The following CELSR2 variants were observed in gnomAD, a reference collection of about 807,000 sequenced individuals.
CELSR2 encodes cadherin EGF LAG seven-pass G-type receptor 2.
CELSR2 carries 81 observed loss-of-function variants against 251.6 expected under a neutral mutation model. The observed-to-expected ratio is 0.32, with a 90% CI of 0.27 to 0.39. CELSR2 has a LOEUF of 0.39. Among genes scored for constraint, CELSR2 ranks in the 10% least tolerant of loss-of-function variants. The pLI is 1.00. For synonymous variants in CELSR2, 1,721 were observed against 1,670.5 expected (o/e 1.03, Z -0.74); for missense variants, 3,365 against 3,947.7 (o/e 0.85, Z 3.96).
At position 109,252,204 on chromosome 1, in the gene CELSR2, C is replaced by A; in HGVS notation, c.2125C>A (p.Arg709Ser). The change falls in exon 1 of 34, where the codon CGT becomes AGT. Residue 709 changes from arginine to serine, a missense_variant. Arg to Ser is a moderately radical substitution (Grantham distance 110, BLOSUM62 -1). This residue lies in a region of CELSR2 where 505 missense variants were observed against 660.0 expected (regional missense o/e 0.77). Coordinates refer to ENST00000271332, the MANE Select transcript of CELSR2 (RefSeq NM_001408.3). The surrounding 1 kb of genome is among the most constrained non-coding windows in gnomAD (Gnocchi z 4.8). Reference protein sequence around the residue: ...VVNVTDANTHRPVFQSSHYTV... With the variant: ...VVNVTDANTHSPVFQSSHYTV... ...GAATGTCACCGACGCCAACACCCAT[C>A]GTCCTGTCTTTCAGAGCTCCCACTA... 1 of 1,613,768 alleles carries A rather than the reference C, an allele frequency of 6.2e-7. No homozygotes were observed. Among genetic ancestry groups the A allele is most frequent in the Non-Finnish European group, 8.5e-7 (1 of 1,180,042 alleles).
chr1:109,270,830 T>C, intron 24 of CELSR2, 97 bp from the exon 25 acceptor site: 1 of 1,014,112 alleles, frequency 9.9e-7, no homozygotes. Flanking sequence ...CCCTTTTCCA[T>C]GCTTCATGCC....
chr1:109,268,573 C>A lies in CELSR2; in HGVS notation c.6319-8C>A, dbSNP rs1366407943. On this transcript the variant is annotated splice_region_variant and splice_polypyrimidine_tract_variant and intron_variant, in intron 17 of 33. Transcript: ENST00000271332. ...TGAGCACACCCACCGTGACCTTGCCCACCCCAGAATCTGCTGCGGGTGGGC... is the reference window on the plus strand; with the variant it reads ...TGAGCACACCCACCGTGACCTTGCCAACCCCAGAATCTGCTGCGGGTGGGC... 6.2e-7 allele frequency: 1 copy of A among 1,600,874 alleles called. No homozygotes were observed.
chr1:109,252,207 CCTGT>C lies in CELSR2; in HGVS notation c.2131_2134del (p.Val711PhefsTer8). The C allele has an allele frequency of 6.2e-7, 1 of 1,613,770 alleles. No homozygotes were observed. The highest frequency in any genetic ancestry group is 8.5e-7 in the Non-Finnish European group (1 of 1,180,050). On this transcript the variant is annotated frameshift_variant, in exon 1 of 34. Transcript: ENST00000271332. LOFTEE classifies it high-confidence loss of function. This position sits in a 1 kb window ranked among gnomAD's most constrained non-coding sequence, Gnocchi z 4.8. ...TGTCACCGACGCCAACACCCATCGT[CCTGT>C]CTTTCAGAGCTCCCACTATACAGTG...
Position 109,265,794 on chromosome 1 carries a change from A to G in CELSR2, c.5787A>G (p.Thr1929=), listed in dbSNP as rs763681513. Residue 1929 remains threonine, a synonymous_variant, in exon 14 of 34, where the codon ACA becomes ACG. Coordinates refer to ENST00000271332, the MANE Select transcript of CELSR2 (RefSeq NM_001408.3). The part of the protein sequence containing the change: ...PTCLLCDCYP[T]GSLSRVCDPE... Reference sequence around the variant, plus strand: ...GCCTCTTGTGTGACTGCTACCCCACAGGCTCCTTGTCCAGAGTCTGTGACC... The same window carrying G: ...GCCTCTTGTGTGACTGCTACCCCACGGGCTCCTTGTCCAGAGTCTGTGACC... 3.2e-5 allele frequency: 52 copies of G among 1,613,930 alleles called. No individual in the cohort carries two copies. The highest frequency in any genetic ancestry group is 1.6e-4 in the South Asian group (15 of 91,090).
At position 109,250,902 on chromosome 1, in the gene CELSR2, C is replaced by G. The variant is rs1265261144; in HGVS notation, c.823C>G (p.Leu275Val). 5 of 1,613,878 alleles carry G rather than the reference C, an allele frequency of 3.1e-6. No individual in the cohort carries two copies. Among genetic ancestry groups the G allele is most frequent in the Non-Finnish European group, 4.2e-6 (5 of 1,180,040 alleles). The change falls in exon 1 of 34, where the codon CTC (leucine) becomes GTC (valine). Residue 275 changes from leucine (L) to valine (V), a missense_variant. Coordinates refer to ENST00000271332, the MANE Select transcript of CELSR2 (RefSeq NM_001408.3). This position sits in a 1 kb window ranked among gnomAD's most constrained non-coding sequence, Gnocchi z 4.4. ...GCCCCGACGAAGTGCCCTGGCTACACTCACCATCTTGGTTACTGACACCAA... is the reference window on the plus strand; with the variant it reads ...GCCCCGACGAAGTGCCCTGGCTACAGTCACCATCTTGGTTACTGACACCAA... ...GMPRRSALATLTILVTDTNDH... is the reference protein window; with the variant it reads ...GMPRRSALATVTILVTDTNDH...
intron 5 of CELSR2, among the ~76,000 whole-genome samples, 186 bp from the exon 6 acceptor site, chr1:109,262,101 C>T (rs759299507): frequency 6.6e-6 from 1 of 152,212 alleles, no homozygotes; most frequent in Non-Finnish European, 1.5e-5. Flanking sequence ...ACTAGGCAGC[C>T]GCAAACTTGG....
chr1:109,263,989 G>T, intron 9 of CELSR2, 89 bp from the exon 10 acceptor site: 2 of 1,481,562 alleles, frequency 1.3e-6, no homozygotes, highest in Non-Finnish European at 9.0e-7. Flanking sequence ...CAGCGGGATG[G>T]GTTTGATGGT....
intron 1 of CELSR2, among the ~76,000 whole-genome samples, chr1:109,255,951 G>GACAC (rs1381498119): frequency 6.6e-6 from 1 of 152,200 alleles, no homozygotes; most frequent in African/African-American, 2.4e-5. Flanking sequence ...GGCGGTGGGG[G>GACAC]ACACAGGGAG....
chr1:109,258,682 G>A lies in CELSR2; in HGVS notation c.3561G>A (p.Val1187=). 6.5e-7 allele frequency: 1 copy of A among 1,548,372 alleles called. No homozygotes were observed. Among genetic ancestry groups the A allele is most frequent in the Non-Finnish European group, 8.7e-7 (1 of 1,145,356 alleles). Residue 1187 remains valine, a synonymous_variant, in exon 2 of 34, where the codon GTG becomes GTA. Transcript: ENST00000271332. ...GGHILNVSLS[V]GQPPGPGGGP... ...ACATCCTCAACGTGAGCCTGTCGGT[G>A]GGCCAGCCGCCAGGGCCCGGGGGCG... is the stretch of plus-strand genomic sequence containing the variant.
Position 109,250,068 on chromosome 1 carries a change from G to T in CELSR2, c.-12G>T. The T allele has an allele frequency of 7.2e-7, 1 of 1,394,350 alleles. No homozygotes were observed. The highest frequency in any genetic ancestry group is 9.2e-7 in the Non-Finnish European group (1 of 1,082,778). 86.4% of individuals were successfully genotyped at this position (1,394,350 alleles called of 1,614,324 possible). A position where few individuals can be genotyped will look rare whatever the true frequency, so the allele number is the denominator to read the frequency against. The stretch of plus-strand genomic sequence containing the variant: ...CGCCGTTGACCCGGCCGCCGGCCGG[G>T]AGCTGGGAGAGATGCGGAGCCCGGC... On this transcript the variant is annotated 5_prime_UTR_variant, in exon 1 of 34. Transcript: ENST00000271332. The surrounding 1 kb of genome is among the most constrained non-coding windows in gnomAD (Gnocchi z 4.4).
rs761633875 is a variant in CELSR2 at position 109,269,190 on chromosome 1, C to A, written c.6712C>A (p.Pro2238Thr). The change falls in exon 20 of 34, where the codon CCG becomes ACG. Residue 2238 changes from proline to threonine, a missense_variant. Coordinates refer to ENST00000271332, the MANE Select transcript of CELSR2 (RefSeq NM_001408.3). This position sits in a 1 kb window ranked among gnomAD's most constrained non-coding sequence, Gnocchi z 6.4. Reference sequence around the variant, plus strand: ...GCTGGCACGGCGACAGCGACGGCACCCGGAGCTGAGCCAGGGTGAGGCTGT... The same window carrying A: ...GCTGGCACGGCGACAGCGACGGCACACGGAGCTGAGCCAGGGTGAGGCTGT... ...EELARRQRRHPELSQGEAVAS... is the reference protein window; with the variant it reads ...EELARRQRRHTELSQGEAVAS... 6.2e-7 allele frequency: 1 copy of A among 1,612,600 alleles called. No individual in the cohort carries two copies. Among genetic ancestry groups the A allele is most frequent in the Non-Finnish European group, 8.5e-7 (1 of 1,179,718 alleles).
At position 109,261,452 on chromosome 1, in the gene CELSR2, G is replaced by T; in HGVS notation, c.4182-61G>T. On this transcript the variant is annotated intron_variant, in intron 3 of 33. Coordinates refer to ENST00000271332, the MANE Select transcript of CELSR2 (RefSeq NM_001408.3). This position sits in a 1 kb window ranked among gnomAD's most constrained non-coding sequence, Gnocchi z 4.8. ...CCCTCCCCTGCGCTGGTTAGGTGGCGGGGGTGCTGGCATCCAGGTGGGTAC... is the reference window on the plus strand; with the variant it reads ...CCCTCCCCTGCGCTGGTTAGGTGGCTGGGGTGCTGGCATCCAGGTGGGTAC... 6.6e-7 allele frequency: 1 copy of T among 1,504,994 alleles called. No individual in the cohort carries two copies. The highest frequency in any genetic ancestry group is 9.2e-7 in the Non-Finnish European group (1 of 1,081,092). 93.2% of individuals were successfully genotyped at this position (1,504,994 alleles called of 1,614,324 possible).
rs1339317048 is a variant in CELSR2, at chr1:109,258,989, G to T, written c.3868G>T (p.Asp1290Tyr). Reference protein sequence around the residue: ...FTGDYCETEVDLCYSRPCGPH... With the variant: ...FTGDYCETEVYLCYSRPCGPH... Reference sequence around the variant, plus strand: ...GGGTGACTACTGCGAGACCGAGGTGGACCTCTGCTACTCGCGGCCCTGTGG... The same window carrying T: ...GGGTGACTACTGCGAGACCGAGGTGTACCTCTGCTACTCGCGGCCCTGTGG... The change falls in exon 2 of 34, where the codon GAC (aspartate) becomes TAC (tyrosine). Residue 1290 changes from aspartate (D) to tyrosine (Y), a missense_variant. Around this residue, in one of 5 missense-constraint regions of CELSR2, gnomAD observed 2,093 missense variants for 2,382.8 expected, o/e 0.88. Transcript: ENST00000271332. 5.0e-6 allele frequency: 8 copies of T among 1,608,316 alleles called. No individual in the cohort carries two copies. Among genetic ancestry groups the T allele is most frequent in the Non-Finnish European group, 6.8e-6 (8 of 1,179,448 alleles).
At position 109,251,406 on chromosome 1, in the gene CELSR2, G is replaced by C; in HGVS notation, c.1327G>C (p.Ala443Pro). ...VVHYSIMSGNARGQFYLDAQT... is the reference protein window; with the variant it reads ...VVHYSIMSGNPRGQFYLDAQT... ...GCACTATAGCATCATGAGTGGCAAT[G>C]CTCGGGGACAGTTTTATCTGGATGC... The change falls in exon 1 of 34, where the codon GCT (alanine) becomes CCT (proline). Residue 443 changes from alanine to proline, a missense_variant. By Grantham distance (27) the Ala-to-Pro change is conservative. This residue lies in a region of CELSR2 where 704 missense variants were observed against 784.1 expected (regional missense o/e 0.90). Transcript: ENST00000271332. The surrounding 1 kb of genome is among the most constrained non-coding windows in gnomAD (Gnocchi z 4.9). 3 of 1,614,018 alleles carry C rather than the reference G, an allele frequency of 1.9e-6. No homozygotes were observed. Among genetic ancestry groups the C allele is most frequent in the Non-Finnish European group, 2.5e-6 (3 of 1,180,030 alleles).
chr1:109,273,902 G>A, intron 33 of CELSR2, 120 bp from the exon 34 acceptor site: 2 of 1,368,702 alleles, frequency 1.5e-6, no homozygotes, highest in East Asian at 2.3e-5. Flanking sequence ...GAGTGCGGGA[G>A]GATGGGGAGC....
At position 109,256,835 on chromosome 1, in the gene CELSR2, T is replaced by G. The variant is rs1310662863; in HGVS notation, c.3311-1597T>G. ...CCACCACGCCCAACTAATTTTTGTA[T>G]TTTTAGTAGAGACGGGGTTTCACCA... On this transcript the variant is annotated intron_variant, in intron 1 of 33. Transcript: ENST00000271332. 3.3e-5 allele frequency among the ~76,000 whole-genome samples: 5 copies of G among 152,184 alleles called. No homozygotes were observed. The South Asian group carries it at 6.2e-4, about 19-fold the overall frequency.
intron 2 of CELSR2, among the ~76,000 whole-genome samples, chr1:109,260,803 G>A (rs1655998811): frequency 6.6e-6 from 1 of 152,204 alleles, no homozygotes; most frequent in Non-Finnish European, 1.5e-5. Flanking sequence ...TTGCAGGGGA[G>A]CAGTGCGTGG....
chr1:109,269,152 A>AG lies in CELSR2; in HGVS notation c.6676dup (p.Glu2226GlyfsTer19). On this transcript the variant is annotated frameshift_variant, in exon 20 of 34. Transcript: ENST00000271332. LOFTEE classifies it high-confidence loss of function. This position sits in a 1 kb window ranked among gnomAD's most constrained non-coding sequence, Gnocchi z 6.4. ...AGGCCCGCAGGCCCCGGAGAGGCCC[A>AG]GGAGCCAGAGGAGCTGGCACGGCGA... 1 of 1,610,598 alleles carries AG rather than the reference A, an allele frequency of 6.2e-7. No homozygotes were observed. Among genetic ancestry groups the AG allele is most frequent in the Non-Finnish European group, 8.5e-7 (1 of 1,178,718 alleles).
In CELSR2 at chr1:109,271,475, T is replaced by C. The variant is rs746132466; in HGVS notation, c.7766T>C (p.Leu2589Pro). ...CTCTCTGTCAACAGCGACACCCTCC[T>C]CTTCCACTACCTCTTTGCTACCTGC... The part of the protein sequence containing the change: ...ALLSVNSDTL[L>P]FHYLFATCNC... Residue 2589 changes from leucine to proline, a missense_variant, in exon 27 of 34, where the codon CTC becomes CCC. Coordinates refer to ENST00000271332, the MANE Select transcript of CELSR2 (RefSeq NM_001408.3). 1.1e-5 allele frequency: 17 copies of C among 1,614,022 alleles called. No homozygotes were observed. Among genetic ancestry groups the C allele is most frequent in the Non-Finnish European group, 1.4e-5 (16 of 1,180,038 alleles).
Sources: gnomAD v4.1 joint callset for allele counts (sites outside exome capture counted in the v4.1 genomes callset) on GRCh38, gnomAD v4.1.1 for gene constraint, gnomAD v4.1.1 regional missense constraint, Gnocchi (gnomAD v3.1) non-coding constraint, MANE v1.5 for transcripts, NCBI Gene and HGNC (gene_info 2026-07-23, HGNC 2026-07-21) for gene names.